SPTLC3: variants seen among roughly 807,000 people sequenced by gnomAD.
SPTLC3 encodes the protein serine palmitoyltransferase long chain base subunit 3.
In SPTLC3, 36 loss-of-function variants were observed where a neutral mutation model predicts 59.3. That is an observed-to-expected ratio of 0.61 (90% confidence interval 0.47 to 0.80). SPTLC3 has a LOEUF of 0.80. Ranked by LOEUF, SPTLC3 falls within the 30% of genes least tolerant of loss-of-function variation. The pLI, the probability that SPTLC3 is intolerant of heterozygous loss-of-function variation, is 0.00. For synonymous variants in SPTLC3, 257 were observed against 240.8 expected (o/e 1.07, Z -0.62); for missense variants, 625 against 685.1 (o/e 0.91, Z 0.98).
intron 9 of SPTLC3, among the ~76,000 whole-genome samples, chr20:13,145,400 G>C (rs868153155): frequency 6.6e-6 from 1 of 151,998 alleles, no homozygotes; most frequent in Admixed American, 6.6e-5. Flanking sequence ...GCCACAAAAA[G>C]AATAAAATAC....
chr20:13,057,030 G>T lies in SPTLC3; in HGVS notation c.303+7900G>T, dbSNP rs113707222. Among the ~76,000 whole-genome samples, 63 of 152,190 alleles carry T rather than the reference G, an allele frequency of 4.1e-4. 2 individuals are homozygous for T. The highest frequency in any genetic ancestry group is 3.3e-3 in the South Asian group (16 of 4,822). On this transcript the variant is annotated intron_variant, in intron 2 of 11. Coordinates refer to ENST00000399002, the MANE Select transcript of SPTLC3 (RefSeq NM_018327.4). ...GCTGGGATTACAGGCATGAGCCACC[G>T]CACCTGGCTCCCTTTAATCTTTTAA...
chr20:13,165,111 C>T lies in SPTLC3; in HGVS notation c.*244C>T. On this transcript the variant is annotated 3_prime_UTR_variant, in exon 12 of 12. Transcript: ENST00000399002. Reference sequence around the variant, plus strand: ...ATTCTACTAGAAATACACACACACACACACACACACTTCTGAGAATATTTT... The same window carrying T: ...ATTCTACTAGAAATACACACACACATACACACACACTTCTGAGAATATTTT... 2.2e-6 allele frequency: 1 copy of T among 445,810 alleles called. No individual in the cohort carries two copies. Among genetic ancestry groups the T allele is most frequent in the Admixed American group, 3.9e-5 (1 of 25,528 alleles). 27.6% of individuals were successfully genotyped at this position (445,810 alleles called of 1,614,324 possible). A position where few individuals can be genotyped will look rare whatever the true frequency, so the allele number is the denominator to read the frequency against.
At chr20:13,026,439 T>A (rs74523314) in intron 1 of SPTLC3, among the ~76,000 whole-genome samples, 2,732 of 152,304 alleles carry the variant, frequency 0.018, 90 homozygotes, top group African/African-American at 0.063. Context: ...TGTGAGATGG[T>A]ATGTCATTGT....
chr20:13,043,228 T>C (rs186104993), intron 1 of SPTLC3, among the ~76,000 whole-genome samples: 7 of 152,290 alleles, frequency 4.6e-5, no homozygotes, highest in Admixed American at 2.6e-4. Flanking sequence ...GCCCTCTCGT[T>C]AGCTCCAGTG....
Position 13,126,442 on chromosome 20 carries a change from A to C in SPTLC3, c.1153-149A>C, listed in dbSNP as rs2037991968. On this transcript the variant is annotated intron_variant, in intron 8 of 11. Coordinates refer to ENST00000399002, the MANE Select transcript of SPTLC3 (RefSeq NM_018327.4). ...AATAGAAAAAATAAATAGTTTGATG[A>C]AAACCATTGAAAGTTGGACCCCATT... 5 of 887,940 alleles carry C rather than the reference A, an allele frequency of 5.6e-6. No individual in the cohort carries two copies. The South Asian group carries it at 1.1e-4, about 20-fold the overall frequency. The allele number at this position is 887,940 out of a possible 1,614,324, so 55.0% of individuals were successfully genotyped here.
intron 4 of SPTLC3, among the ~76,000 whole-genome samples, chr20:13,083,311 A>T (rs892561205): frequency 1.3e-5 from 2 of 152,180 alleles, no homozygotes; most frequent in African/African-American, 4.8e-5. Context: ...TGGAGCCCCT[A>T]TATAATTTGA....
Position 13,040,885 on chromosome 20 carries a change from A to G in SPTLC3, c.118-8060A>G, listed in dbSNP as rs375744188. ...AGATTATTGGTTGACTTCTTAAAAT[A>G]TTTGTGCATTTTGAATATGTCATCC... is the stretch of plus-strand genomic sequence containing the variant. On this transcript the variant is annotated intron_variant, in intron 1 of 11. Transcript: ENST00000399002. Among the ~76,000 whole-genome samples, 12 of 151,860 alleles carry G rather than the reference A, an allele frequency of 7.9e-5. No individual in the cohort carries two copies. In the East Asian group the frequency reaches 2.1e-3, roughly 27 times the overall value.
At chr20:13,154,813 G>T (rs1464858779) in intron 10 of SPTLC3, among the ~76,000 whole-genome samples, 1 of 152,086 alleles carries the variant, frequency 6.6e-6, no homozygotes, top group African/African-American at 2.4e-5. Context: ...AGTTTGGCAG[G>T]GACAATTTTA....
At chr20:13,101,308 G>C (rs889587725) in intron 6 of SPTLC3, among the ~76,000 whole-genome samples, 21 of 152,300 alleles carry the variant, frequency 1.4e-4, no homozygotes, top group Non-Finnish European at 2.5e-4. Flanking sequence ...CACAGCACTT[G>C]TTAACACTCT....
intron 1 of SPTLC3, among the ~76,000 whole-genome samples, chr20:13,017,924 G>T (rs774637413): frequency 1.3e-5 from 2 of 152,176 alleles, no homozygotes; most frequent in African/African-American, 2.4e-5. Flanking sequence ...TCCTTGTAGA[G>T]TGCCCATTCT....
At chr20:13,132,736 T>C (rs2038150812) in intron 9 of SPTLC3, 1 of 152,196 alleles carries the variant, frequency 6.6e-6, no homozygotes, top group Admixed American at 6.5e-5. Flanking sequence ...TCCCTTTCCA[T>C]CTTCTAAAGA....
At chr20:13,163,166 G>A (rs539678469) in intron 11 of SPTLC3, among the ~76,000 whole-genome samples, 89 of 151,904 alleles carry the variant, frequency 5.9e-4, no homozygotes, top group Non-Finnish European at 8.2e-4. Flanking sequence ...TCAGGAGTTC[G>A]AGACCAGCCT....
intron 4 of SPTLC3, among the ~76,000 whole-genome samples, chr20:13,076,757 T>C (rs1988661232): frequency 6.6e-6 from 1 of 151,832 alleles, no homozygotes; most frequent in African/African-American, 2.4e-5. Flanking sequence ...GGGTGAAAAA[T>C]AGAAAGATAG....
rs768745867 is a variant in SPTLC3 at position 13,049,029 on chromosome 20, A to G, written c.202A>G (p.Met68Val). The G allele has an allele frequency of 1.4e-5, 23 of 1,613,346 alleles. No homozygotes were observed. The South Asian group carries it at 2.2e-4, about 15-fold the overall frequency. ...CCTTCATGTTATGGTTTTCACTTAC[A>G]TGGGATATGGAATTGGAACCCTGTT... Reference protein sequence around the residue: ...APLHVMVFTYMGYGIGTLFGY... With the variant: ...APLHVMVFTYVGYGIGTLFGY... Residue 68 changes from methionine (M) to valine (V), a missense_variant, in exon 2 of 12, where the codon ATG (methionine) becomes GTG (valine). Met to Val is a conservative substitution (Grantham distance 21, BLOSUM62 1). Transcript: ENST00000399002.
At chr20:13,094,033 TC>T (rs1308803939) in intron 6 of SPTLC3, among the ~76,000 whole-genome samples, 10 of 152,132 alleles carry the variant, frequency 6.6e-5, no homozygotes, top group Non-Finnish European at 1.0e-4. Flanking sequence ...AACAAAACCA[TC>T]TATTCGACTT....
rs1179513560 is a variant in SPTLC3, at chr20:13,136,699, TTA to T, written c.1279+9990_1279+9991del. Among the ~76,000 whole-genome samples the T allele has an allele frequency of 2.5e-4, 37 of 147,178 alleles. No individual in the cohort carries two copies. In the East Asian group the frequency reaches 7.0e-3, roughly 28 times the overall value. ...TACTTATATAGTATATAAATAAAAG[TTA>T]TATATATTTATATATAATATATAAA... On this transcript the variant is annotated intron_variant, in intron 9 of 11. Transcript: ENST00000399002.
intron 11 of SPTLC3, chr20:13,164,392 G>A: frequency 2.1e-6 from 1 of 475,992 alleles, no homozygotes; most frequent in Non-Finnish European, 4.3e-6. Flanking sequence ...AACTTCAAAT[G>A]CATTCTGCAA....
intron 6 of SPTLC3, among the ~76,000 whole-genome samples, chr20:13,105,499 T>A (rs939330546): frequency 1.2e-4 from 18 of 152,196 alleles, no homozygotes; most frequent in Non-Finnish European, 2.4e-4. Context: ...GTGTTATTTT[T>A]AAAAATGGAG....
intron 2 of SPTLC3, among the ~76,000 whole-genome samples, chr20:13,066,329 C>A (rs1364985394): frequency 6.6e-6 from 1 of 152,070 alleles, no homozygotes; most frequent in Non-Finnish European, 1.5e-5. Flanking sequence ...GTCTCCTTTC[C>A]CCATTGTGTG....
Sources: gnomAD v4.1 joint callset for allele counts (sites outside exome capture counted in the v4.1 genomes callset) on GRCh38, gnomAD v4.1.1 for gene constraint, MANE v1.5 for transcripts, NCBI Gene and HGNC (gene_info 2026-07-23, HGNC 2026-07-21) for gene names.